PPP4R4: variants seen among roughly 807,000 people sequenced by gnomAD.
The protein encoded by PPP4R4 is protein phosphatase 4 regulatory subunit 4.
A neutral mutation model predicts 121.8 loss-of-function variants in PPP4R4; 70 were observed. The observed-to-expected ratio is 0.57, with a 90% CI of 0.47 to 0.70. PPP4R4 has a LOEUF of 0.70. Ranked by LOEUF, PPP4R4 falls within the 30% of genes least tolerant of loss-of-function variation. The probability of loss-of-function intolerance (pLI) is 0.00; values close to 1 mark genes in which losing one functional copy is unlikely to be tolerated. For synonymous variants in PPP4R4, 348 were observed against 355.7 expected, an observed-to-expected ratio of 0.98 and a Z score of 0.24; for missense variants, 875 against 1,033.6, an observed-to-expected ratio of 0.85 and a Z score of 2.10.
In PPP4R4 at chr14:94,234,558, T is replaced by C. The variant is rs770786529; in HGVS notation, c.624-4T>C. On this transcript the variant is annotated splice_region_variant and splice_polypyrimidine_tract_variant and intron_variant, in intron 6 of 24. Coordinates refer to ENST00000304338, the MANE Select transcript of PPP4R4 (RefSeq NM_058237.2). Reference sequence around the variant, plus strand: ...TTGCATGTTTCTTTTCTCCCCACCTTCAGCATTAAGCGAGAAATACTTCCT... The same window carrying C: ...TTGCATGTTTCTTTTCTCCCCACCTCCAGCATTAAGCGAGAAATACTTCCT... The C allele has an allele frequency of 6.4e-7, 1 of 1,551,578 alleles. No individual in the cohort carries two copies. The highest frequency in any genetic ancestry group is 1.1e-5 in the South Asian group (1 of 88,618).
intron 2 of PPP4R4, among the ~76,000 whole-genome samples, chr14:94,194,321 G>C (rs564590557): frequency 9.9e-5 from 15 of 152,172 alleles, no homozygotes; most frequent in African/African-American, 3.4e-4. Context: ...TTGTTTCTGA[G>C]TAAGTATCCT....
intron 24 of PPP4R4, among the ~76,000 whole-genome samples, chr14:94,277,899 T>A (rs1036955291): frequency 6.6e-6 from 1 of 152,208 alleles, no homozygotes; most frequent in African/African-American, 2.4e-5. Flanking sequence ...GGGACGTTGA[T>A]ATCCACAGTT....
Position 94,232,483 on chromosome 14 carries a change from CAT to C in PPP4R4, c.516+1169_517-1168del, listed in dbSNP as rs1213532705. Among the ~76,000 whole-genome samples the C allele has an allele frequency of 5.3e-5, 8 of 152,216 alleles. No homozygotes were observed. The South Asian group carries it at 8.3e-4, about 16-fold the overall frequency. On this transcript the variant is annotated intron_variant, in intron 5 of 24. Coordinates refer to ENST00000304338, the MANE Select transcript of PPP4R4 (RefSeq NM_058237.2). ...ATTTAAGTGCTGAATGTAATATAGA[CAT>C]GTGATTTTTATATTTTTTTGAAAAG...
chr14:94,261,715 T>C (rs1164443564), intron 19 of PPP4R4, among the ~76,000 whole-genome samples: 1 of 152,042 alleles, frequency 6.6e-6, no homozygotes, highest in Non-Finnish European at 1.5e-5. Flanking sequence ...GTAGATTCCC[T>C]TTATCAGATT....
At chr14:94,203,171 G>C (rs1002682427) in intron 2 of PPP4R4, among the ~76,000 whole-genome samples, 43 of 152,078 alleles carry the variant, frequency 2.8e-4, no homozygotes, top group African/African-American at 1.0e-3. Context: ...CATTACACTT[G>C]TGTAGTCACA....
At chr14:94,248,490 A>G (rs1224648786) in intron 14 of PPP4R4, among the ~76,000 whole-genome samples, 1 of 152,232 alleles carries the variant, frequency 6.6e-6, no homozygotes, top group Non-Finnish European at 1.5e-5. Flanking sequence ...TGCCCAAAGC[A>G]ATCTACAGAT....
At chr14:94,224,258 G>A (rs1891573581) in intron 3 of PPP4R4, among the ~76,000 whole-genome samples, 1 of 152,152 alleles carries the variant, frequency 6.6e-6, no homozygotes, top group Non-Finnish European at 1.5e-5. Context: ...GGTGCATTAT[G>A]CAAGAGAATA....
chr14:94,248,410 G>A (rs1893005730), intron 14 of PPP4R4, among the ~76,000 whole-genome samples: 1 of 152,162 alleles, frequency 6.6e-6, no homozygotes, highest in African/African-American at 2.4e-5. Flanking sequence ...AATCATAGAT[G>A]ACATAAACAA....
intron 2 of PPP4R4, among the ~76,000 whole-genome samples, chr14:94,187,920 C>T (rs997179630): frequency 2.6e-5 from 4 of 152,054 alleles, no homozygotes; most frequent in Admixed American, 6.5e-5. Context: ...ATGCTATCAC[C>T]GTGGATTTAT....
intron 2 of PPP4R4, among the ~76,000 whole-genome samples, chr14:94,206,779 C>G (rs1368329343): frequency 6.6e-6 from 1 of 151,942 alleles, no homozygotes; most frequent in Non-Finnish European, 1.5e-5. Flanking sequence ...TCTTTCAGTT[C>G]TTTAGCAGTG....
At chr14:94,188,991 A>T (rs1269099524) in intron 2 of PPP4R4, among the ~76,000 whole-genome samples, 1 of 152,194 alleles carries the variant, frequency 6.6e-6, no homozygotes, top group Non-Finnish European at 1.5e-5. Flanking sequence ...AGGACTGATA[A>T]TTCATATATT....
rs547185661 is a variant in PPP4R4, at chr14:94,248,642, T to G, written c.1612-1530T>G. Among the ~76,000 whole-genome samples, 20 of 152,322 alleles carry G rather than the reference T, an allele frequency of 1.3e-4. No individual in the cohort carries two copies. The South Asian group carries it at 4.1e-3, about 32-fold the overall frequency. ...CCCAGTGTCCTATCAGCCTTTTACC[T>G]GTTAGTTGTAGAATCCATTGATGAT... On this transcript the variant is annotated intron_variant, in intron 14 of 24. Coordinates refer to ENST00000304338, the MANE Select transcript of PPP4R4 (RefSeq NM_058237.2).
intron 3 of PPP4R4, among the ~76,000 whole-genome samples, chr14:94,223,327 G>A (rs1425428021): frequency 6.6e-6 from 1 of 152,200 alleles, no homozygotes; most frequent in Non-Finnish European, 1.5e-5. Context: ...TCTCATGGAA[G>A]GAATATATTT....
chr14:94,223,141 C>A lies in PPP4R4; in HGVS notation c.295-7446C>A, dbSNP rs527492943. On this transcript the variant is annotated intron_variant, in intron 3 of 24. Transcript: ENST00000304338. ...CAATTGTATCTTTTATCCTCTTGAA[C>A]CATGTATGTATCATATAGCACTAGT... Among the ~76,000 whole-genome samples, 7 of 152,186 alleles carry A rather than the reference C, an allele frequency of 4.6e-5. No homozygotes were observed. The East Asian group carries it at 1.2e-3, about 25-fold the overall frequency.
At chr14:94,216,791 T>C (rs1163624572) in intron 3 of PPP4R4, among the ~76,000 whole-genome samples, 1 of 152,168 alleles carries the variant, frequency 6.6e-6, no homozygotes, top group African/African-American at 2.4e-5. Context: ...ACCCACTTGC[T>C]TCTGGAAGAG....
intron 3 of PPP4R4, among the ~76,000 whole-genome samples, chr14:94,222,929 T>G (rs1298754191): frequency 6.6e-6 from 1 of 152,144 alleles, no homozygotes; most frequent in Non-Finnish European, 1.5e-5. Flanking sequence ...CTTTTCTTTC[T>G]TTTCCATCCT....
chr14:94,272,354 C>T (rs957807969), intron 23 of PPP4R4, among the ~76,000 whole-genome samples: 8 of 152,200 alleles, frequency 5.3e-5, no homozygotes, highest in East Asian at 1.9e-4. Flanking sequence ...AATAGACCCA[C>T]GTAAGTGTAG....
chr14:94,240,871 G>A (rs1892594908), intron 9 of PPP4R4, 76 bp downstream of exon 9: 1 of 1,391,186 alleles, frequency 7.2e-7, no homozygotes, highest in Non-Finnish European at 9.4e-7. Context: ...TTAAACTTTG[G>A]CTCTTCAGTT....
intron 20 of PPP4R4, among the ~76,000 whole-genome samples, chr14:94,265,186 T>C (rs548833529): frequency 2.6e-5 from 4 of 152,200 alleles, no homozygotes; most frequent in Non-Finnish European, 4.4e-5. Flanking sequence ...GCTTCAAGTC[T>C]GATAACAGCT....
Sources: allele counts gnomAD v4.1 joint callset (sites outside exome capture counted in the v4.1 genomes callset), GRCh38; gene constraint gnomAD v4.1.1; transcripts MANE v1.5; gene names NCBI Gene and HGNC (gene_info 2026-07-23, HGNC 2026-07-21).